Variants in SUGCT observed in about 807,000 individuals in gnomAD.
The protein encoded by SUGCT is succinyl-CoA:glutarate CoA-transferase.
Under a neutral mutation model 55.0 loss-of-function variants are expected in SUGCT, and 41 were observed. The observed-to-expected ratio is 0.74, with a 90% CI of 0.58 to 0.97. SUGCT has a LOEUF of 0.97. Ranked by LOEUF, SUGCT falls within the 50% of genes least tolerant of loss-of-function variation. The pLI is 0.00. For synonymous variants in SUGCT, 187 were observed against 200.4 expected, an observed-to-expected ratio of 0.93 and a Z score of 0.56; for missense variants, 568 against 547.8, an observed-to-expected ratio of 1.04 and a Z score of -0.37.
chr7:40,997,613 G>A, the SUGCT span, among the ~76,000 whole-genome samples: 1 of 152,158 alleles, frequency 6.6e-6, no homozygotes, highest in African/African-American at 2.4e-5. Context: ...ATGTGGATAA[G>A]GTTGCATCTC....
the SUGCT span, among the ~76,000 whole-genome samples, chr7:41,007,099 G>GT: frequency 0.78 from 117,929 of 150,376 alleles, 46,705 homozygotes; most frequent in Middle Eastern, 0.86. Flanking sequence ...TAGAGATTCA[G>GT]TTTTTTTTTT....
intron 12 of SUGCT, among the ~76,000 whole-genome samples, chr7:40,510,505 T>C (rs1792865288): frequency 6.6e-6 from 1 of 152,114 alleles, no homozygotes; most frequent in South Asian, 2.1e-4. Flanking sequence ...AAAGAAATCT[T>C]GTTTTTTGGT....
the SUGCT span, among the ~76,000 whole-genome samples, chr7:41,036,194 G>C: frequency 6.6e-6 from 1 of 152,166 alleles, no homozygotes; most frequent in Admixed American, 6.5e-5. Context: ...GTGGATGAGC[G>C]AGTGCATGGG....
At position 40,320,141 on chromosome 7, in the gene SUGCT, C is replaced by T. The variant is rs548667405; in HGVS notation, c.816+3286C>T. 1.3e-3 allele frequency among the ~76,000 whole-genome samples: 192 copies of T among 147,556 alleles called. 4 individuals are homozygous for T. The East Asian group carries it at 0.037, about 29-fold the overall frequency. ...TTTTTTTTTGAGATAGAGTCTCGCT[C>T]TGTCACCCAGGCTGGAGTGCAGTGG... On this transcript the variant is annotated intron_variant, in intron 9 of 13. Coordinates refer to ENST00000335693, the MANE Select transcript of SUGCT (RefSeq NM_001193313.2).
At chr7:40,391,738 G>A (rs1785442997) in intron 9 of SUGCT, among the ~76,000 whole-genome samples, 1 of 152,128 alleles carries the variant, frequency 6.6e-6, no homozygotes, top group Non-Finnish European at 1.5e-5. Flanking sequence ...ATTCCTCAAG[G>A]ATCTCAAACT....
chr7:40,889,660 A>G, the SUGCT span, among the ~76,000 whole-genome samples: 2 of 152,102 alleles, frequency 1.3e-5, no homozygotes, highest in East Asian at 3.9e-4. Context: ...TTATCTCATC[A>G]CCAATCTCTT....
intron 12 of SUGCT, among the ~76,000 whole-genome samples, chr7:40,550,885 A>C (rs1400370490): frequency 6.6e-6 from 1 of 152,120 alleles, no homozygotes; most frequent in African/African-American, 2.4e-5. Context: ...ATAGTACTAC[A>C]GCTCTCCTCT....
chr7:40,592,381 GTTGT>G (rs1797774976), intron 12 of SUGCT, among the ~76,000 whole-genome samples: 1 of 152,168 alleles, frequency 6.6e-6, no homozygotes. Flanking sequence ...TAGAGCACTG[GTTGT>G]TTGTCTGGAA....
intron 13 of SUGCT, among the ~76,000 whole-genome samples, chr7:40,829,221 G>A (rs369135332): frequency 3.4e-4 from 51 of 152,186 alleles, no homozygotes; most frequent in Admixed American, 1.4e-3. Flanking sequence ...AGCATATAAC[G>A]AAGACTGTGT....
At chr7:40,196,377 G>A (rs150695510) in intron 6 of SUGCT, among the ~76,000 whole-genome samples, 235 of 152,232 alleles carry the variant, frequency 1.5e-3, no homozygotes, top group Non-Finnish European at 2.2e-3. Context: ...GATCTTCCAG[G>A]CAATAGACTC....
the SUGCT span, among the ~76,000 whole-genome samples, chr7:40,938,467 C>G: frequency 2.6e-5 from 4 of 151,300 alleles, no homozygotes; most frequent in Non-Finnish European, 5.9e-5. Flanking sequence ...GGATTATTAC[C>G]AACTTAATTA....
chr7:40,405,277 C>T (rs1048407193), intron 9 of SUGCT, among the ~76,000 whole-genome samples: 1 of 152,126 alleles, frequency 6.6e-6, no homozygotes, highest in South Asian at 2.1e-4. Context: ...GTGTTTTATG[C>T]TCTTTTAAAG....
At chr7:40,473,483 A>C (rs1017484653) in intron 11 of SUGCT, among the ~76,000 whole-genome samples, 1 of 152,076 alleles carries the variant, frequency 6.6e-6, no homozygotes, top group African/African-American at 2.4e-5. Context: ...TTCCCACTCC[A>C]TGTTTCTAAG....
intron 9 of SUGCT, among the ~76,000 whole-genome samples, chr7:40,421,551 A>G (rs1484549538): frequency 6.6e-6 from 1 of 152,144 alleles, no homozygotes; most frequent in African/African-American, 2.4e-5. Flanking sequence ...CCTTCAACAA[A>G]TGTTTATTAA....
intron 12 of SUGCT, among the ~76,000 whole-genome samples, chr7:40,613,584 C>G (rs1798860082): frequency 6.6e-6 from 1 of 151,932 alleles, no homozygotes; most frequent in African/African-American, 2.4e-5. Flanking sequence ...CACACATTTG[C>G]TCTTCCTTCC....
chr7:40,791,944 C>G (rs1444856419), intron 13 of SUGCT, among the ~76,000 whole-genome samples: 1 of 152,090 alleles, frequency 6.6e-6, no homozygotes, highest in Non-Finnish European at 1.5e-5. Context: ...TTGGTCTAGC[C>G]CCTCTTTCTT....
chr7:40,287,153 A>G (rs1020444117), intron 8 of SUGCT, among the ~76,000 whole-genome samples: 24 of 152,072 alleles, frequency 1.6e-4, no homozygotes, highest in African/African-American at 5.3e-4. Flanking sequence ...AATTATTGTG[A>G]TCAGCATTGA....
chr7:40,615,764 A>T (rs1407111118), intron 12 of SUGCT, among the ~76,000 whole-genome samples: 1 of 152,192 alleles, frequency 6.6e-6, no homozygotes, highest in Non-Finnish European at 1.5e-5. Flanking sequence ...TTCTATGTGT[A>T]ATCATAAGCC....
intron 1 of SUGCT, among the ~76,000 whole-genome samples, chr7:40,179,790 A>G (rs1785095330): frequency 6.6e-6 from 1 of 152,186 alleles, no homozygotes; most frequent in East Asian, 1.9e-4. Flanking sequence ...AAGTGGTCCA[A>G]AAAGTCAAGC....
Sources: gnomAD v4.1 joint callset for allele counts (sites outside exome capture counted in the v4.1 genomes callset) on GRCh38, gnomAD v4.1.1 for gene constraint, MANE v1.5 for transcripts, NCBI Gene and HGNC (gene_info 2026-07-23, HGNC 2026-07-21) for gene names.